The following CDH9 variants were observed in gnomAD, a reference collection of about 807,000 sequenced individuals.
CDH9 encodes the protein cadherin 9.
In CDH9, 28 loss-of-function variants were observed where a neutral mutation model predicts 70.9. The observed-to-expected ratio is 0.40, with a 90% CI of 0.29 to 0.54. The LOEUF (loss-of-function observed/expected upper bound fraction) is 0.54, where lower values mean the gene tolerates loss of function less well. Ranked by LOEUF, CDH9 falls within the 20% of genes least tolerant of loss-of-function variation. The probability of loss-of-function intolerance (pLI) is 0.59; values close to 1 mark genes in which losing one functional copy is unlikely to be tolerated. For missense variants in CDH9, 874 were observed against 984.4 expected, an observed-to-expected ratio of 0.89 and a Z score of 1.50; for synonymous variants, 409 against 343.1, an observed-to-expected ratio of 1.19 and a Z score of -2.12.
At chr5:26,941,433 G>C (rs1741660597) in intron 2 of CDH9, among the ~76,000 whole-genome samples, 1 of 152,176 alleles carries the variant, frequency 6.6e-6, no homozygotes, top group South Asian at 2.1e-4. Flanking sequence ...TCACACCTCA[G>C]GGAGTCAATG....
intron 1 of CDH9, among the ~76,000 whole-genome samples, chr5:27,030,913 A>T (rs1008589254): frequency 2.6e-5 from 4 of 151,856 alleles, no homozygotes; most frequent in African/African-American, 9.7e-5. Flanking sequence ...TTTTTAGTGT[A>T]TATGTTATCT....
chr5:26,908,508 G>A (rs1740988293), intron 3 of CDH9, among the ~76,000 whole-genome samples: 1 of 152,004 alleles, frequency 6.6e-6, no homozygotes, highest in Non-Finnish European at 1.5e-5. Context: ...CATTTCTTGA[G>A]TTACCCATTT....
chr5:27,014,611 C>T (rs1013430316), intron 1 of CDH9, among the ~76,000 whole-genome samples: 6 of 151,754 alleles, frequency 4.0e-5, no homozygotes, highest in African/African-American at 1.5e-4. Flanking sequence ...CATATATATA[C>T]ACACCAAATA....
intron 1 of CDH9, among the ~76,000 whole-genome samples, chr5:26,995,954 T>G (rs2112099642): frequency 6.6e-6 from 1 of 152,162 alleles, no homozygotes; most frequent in Non-Finnish European, 1.5e-5. Flanking sequence ...CTCTCTTAAT[T>G]ATATTCCAAT....
At chr5:26,907,541 C>A (rs1397325604) in intron 3 of CDH9, among the ~76,000 whole-genome samples, 1 of 151,992 alleles carries the variant, frequency 6.6e-6, no homozygotes, top group East Asian at 1.9e-4. Context: ...ACATGCAATA[C>A]TGCAATTTAA....
At chr5:26,981,737 GA>G (rs1742403236) in intron 2 of CDH9, among the ~76,000 whole-genome samples, 1 of 151,932 alleles carries the variant, frequency 6.6e-6, no homozygotes, top group South Asian at 2.1e-4. Flanking sequence ...ATGTAGCATT[GA>G]CAGAGAAAAG....
chr5:26,929,436 C>G (rs1741401105), intron 2 of CDH9, among the ~76,000 whole-genome samples: 1 of 151,968 alleles, frequency 6.6e-6, no homozygotes. Context: ...TTTAGAGGTT[C>G]TTCAAAAAAC....
chr5:27,018,529 C>A (rs1191401493), intron 1 of CDH9, among the ~76,000 whole-genome samples: 3 of 151,916 alleles, frequency 2.0e-5, no homozygotes, highest in African/African-American at 7.2e-5. Flanking sequence ...CCCTCTAAAT[C>A]ATGTAATCAT....
Position 26,915,812 on chromosome 5 carries a change from T to C in CDH9, c.341A>G (p.Lys114Arg). ...DENTGDIHAA[K>R]KLDREEKSLY... Reference sequence around the variant, plus strand: ...AGATTTTTCTTCTCTGTCTAGTTTCTTTGCAGCATGAATGTCTCCTGTATT... The same window carrying C: ...AGATTTTTCTTCTCTGTCTAGTTTCCTTGCAGCATGAATGTCTCCTGTATT... The change falls in exon 3 of 12, where the codon AAG becomes AGG. Residue 114 changes from lysine (K) to arginine (R), a missense_variant. Lys to Arg is a conservative substitution (Grantham distance 26). Coordinates refer to ENST00000231021, the MANE Select transcript of CDH9 (RefSeq NM_016279.4). 6.2e-7 allele frequency: 1 copy of C among 1,613,628 alleles called. No individual in the cohort carries two copies. Among genetic ancestry groups the C allele is most frequent in the South Asian group, 1.1e-5 (1 of 91,076 alleles).
intron 1 of CDH9, among the ~76,000 whole-genome samples, chr5:27,014,037 T>G (rs1743005306): frequency 6.6e-6 from 1 of 151,978 alleles, no homozygotes; most frequent in Non-Finnish European, 1.5e-5. Context: ...CAGAATATCA[T>G]CATCAGCTGA....
At chr5:27,024,079 A>T (rs1332431917) in intron 1 of CDH9, among the ~76,000 whole-genome samples, 2 of 151,816 alleles carry the variant, frequency 1.3e-5, no homozygotes, top group Non-Finnish European at 2.9e-5. Flanking sequence ...TAAATAAATA[A>T]TAAAAATAAA....
At chr5:26,992,164 T>C (rs1742588849) in intron 1 of CDH9, among the ~76,000 whole-genome samples, 1 of 152,148 alleles carries the variant, frequency 6.6e-6, no homozygotes, top group Admixed American at 6.5e-5. Flanking sequence ...GCTGCTGATC[T>C]CACAAGAGGC....
Position 26,880,943 on chromosome 5 carries a change from T to G in CDH9, c.*193A>C. On this transcript the variant is annotated 3_prime_UTR_variant, in exon 12 of 12. Coordinates refer to ENST00000231021, the MANE Select transcript of CDH9 (RefSeq NM_016279.4). ...CAAAGAGGGTGAACTGGTTATTACT[T>G]TTTTAAAAATCTGTATCATTCGTAT... 1 of 451,888 alleles carries G rather than the reference T, an allele frequency of 2.2e-6. No homozygotes were observed. The highest frequency in any genetic ancestry group is 3.9e-6 in the Non-Finnish European group (1 of 257,866). The allele number at this position is 451,888 out of a possible 1,614,324, so 28.0% of individuals were successfully genotyped here.
At chr5:26,899,224 A>C (rs1215641759) in intron 7 of CDH9, among the ~76,000 whole-genome samples, 1 of 152,148 alleles carries the variant, frequency 6.6e-6, no homozygotes, top group Non-Finnish European at 1.5e-5. Context: ...TGTTGGTGGG[A>C]ATGTAAATTA....
intron 7 of CDH9, among the ~76,000 whole-genome samples, chr5:26,897,278 C>T (rs1740769359): frequency 6.6e-6 from 1 of 152,024 alleles, no homozygotes; most frequent in Non-Finnish European, 1.5e-5. Context: ...TGAAACTATT[C>T]CAAACAATAG....
intron 1 of CDH9, among the ~76,000 whole-genome samples, chr5:27,017,031 GTTCT>G (rs1353405306): frequency 1.3e-5 from 2 of 151,828 alleles, no homozygotes; most frequent in African/African-American, 2.4e-5. Flanking sequence ...GCCCAAAACT[GTTCT>G]TTCTATTCTT....
At chr5:26,977,483 G>GTATATATATATATATATATATATA (rs1487464701) in intron 2 of CDH9, among the ~76,000 whole-genome samples, 1 of 141,466 alleles carries the variant, frequency 7.1e-6, no homozygotes, top group African/African-American at 2.9e-5. Flanking sequence ...GTGTGTGTGT[G>GTATATATATATATATATATATATA]TGTATATATA....
intron 2 of CDH9, among the ~76,000 whole-genome samples, chr5:26,954,283 C>T (rs1193054565): frequency 6.6e-6 from 1 of 151,758 alleles, no homozygotes; most frequent in Non-Finnish European, 1.5e-5. Context: ...TTTCAACTAC[C>T]AACAATGCTT....
At chr5:26,895,245 A>G (rs1740728703) in intron 7 of CDH9, among the ~76,000 whole-genome samples, 1 of 152,016 alleles carries the variant, frequency 6.6e-6, no homozygotes. Context: ...TCCCTCAAAA[A>G]TGAATATTGA....
Sources: allele counts gnomAD v4.1 joint callset (sites outside exome capture counted in the v4.1 genomes callset), GRCh38; gene constraint gnomAD v4.1.1; transcripts MANE v1.5; gene names NCBI Gene and HGNC (gene_info 2026-07-23, HGNC 2026-07-21).